UNC5A: variants seen among roughly 807,000 people sequenced by gnomAD.
UNC5A encodes unc-5 netrin receptor A, also known as netrin receptor UNC5A.
UNC5A carries 20 observed loss-of-function variants against 87.4 expected under a neutral mutation model. The observed-to-expected ratio is 0.23, with a 90% CI of 0.16 to 0.33. The LOEUF is 0.33. UNC5A is among the 10% of genes least tolerant of loss of function. The pLI is 1.00. For synonymous variants in UNC5A, 438 were observed against 482.3 expected (o/e 0.91, Z 1.20); for missense variants, 844 against 1,133.4 (o/e 0.74, Z 3.67).
chr5:176,843,094 G>A (rs1757316310), intron 1 of UNC5A, among the ~76,000 whole-genome samples: 1 of 151,746 alleles, frequency 6.6e-6, no homozygotes, highest in South Asian at 2.1e-4. Flanking sequence ...CCAGGAGGCA[G>A]TGGTTGCAGT....
At chr5:176,855,487 G>A (rs910565288) in intron 1 of UNC5A, among the ~76,000 whole-genome samples, 1 of 152,250 alleles carries the variant, frequency 6.6e-6, no homozygotes, top group Non-Finnish European at 1.5e-5. Flanking sequence ...CCTGCATGGT[G>A]GGAGGAGTTG....
intron 1 of UNC5A, among the ~76,000 whole-genome samples, chr5:176,811,546 C>G (rs1392105381): frequency 6.6e-6 from 1 of 152,200 alleles, no homozygotes; most frequent in East Asian, 1.9e-4. Flanking sequence ...CCCCTGCATG[C>G]CCCATTGGTC....
rs1224637960 is a variant in UNC5A at position 176,874,613 on chromosome 5, A to G, written c.1378+47A>G. The stretch of plus-strand genomic sequence containing the variant: ...TCTGAGAGCTCCACTTCCCTCCTGG[A>G]GGAGGACGGGACAGCCGGACGTTCC... On this transcript the variant is annotated intron_variant, in intron 8 of 14. Coordinates refer to ENST00000329542, the MANE Select transcript of UNC5A (RefSeq NM_133369.3). The surrounding 1 kb of genome is among the most constrained non-coding windows in gnomAD (Gnocchi z 7.6). 2 of 1,491,664 alleles carry G rather than the reference A, an allele frequency of 1.3e-6. 1 individual carries two copies. The highest frequency in any genetic ancestry group is 1.8e-6 in the Non-Finnish European group (2 of 1,118,424). 92.4% of individuals were successfully genotyped at this position (1,491,664 alleles called of 1,614,324 possible).
At chr5:176,862,973 C>A (rs974101916) in intron 2 of UNC5A, 128 bp downstream of exon 2, 4 of 1,059,444 alleles carry the variant, frequency 3.8e-6, no homozygotes, top group Non-Finnish European at 4.2e-6. Context: ...GAGGCCACAA[C>A]CCTCAGCAGT....
chr5:176,877,070 T>G (rs1758278980), intron 8 of UNC5A, 122 bp from the exon 9 acceptor site: 1 of 773,852 alleles, frequency 1.3e-6, no homozygotes, highest in Admixed American at 2.6e-5. Context: ...TTGAGGCCCC[T>G]CTGTCCCCAG....
rs1758292520 is a variant in UNC5A at position 176,877,515 on chromosome 5, C to T, written c.1467-20C>T. The stretch of plus-strand genomic sequence containing the variant: ...GGCCACTGACACCTTTCCCTCCCCA[C>T]CCATATTTCCCCACTTGAGGTTGCC... On this transcript the variant is annotated intron_variant, in intron 9 of 14. Transcript: ENST00000329542. 2 of 1,568,998 alleles carry T rather than the reference C, an allele frequency of 1.3e-6. No homozygotes were observed. Among genetic ancestry groups the T allele is most frequent in the Middle Eastern group, 1.7e-4 (1 of 5,858 alleles).
intron 1 of UNC5A, among the ~76,000 whole-genome samples, chr5:176,857,142 C>G (rs370226606): frequency 6.6e-6 from 1 of 152,346 alleles, no homozygotes; most frequent in East Asian, 1.9e-4. Context: ...CCCCTTCTAC[C>G]TTCTCTGCTG....
chr5:176,835,202 C>A (rs1475087335), intron 1 of UNC5A, among the ~76,000 whole-genome samples: 1 of 152,254 alleles, frequency 6.6e-6, no homozygotes, highest in African/African-American at 2.4e-5. Flanking sequence ...GGCTTGTACA[C>A]CTGGAGGTGA....
At chr5:176,811,108 G>A (rs992746841) in intron 1 of UNC5A, among the ~76,000 whole-genome samples, 1 of 152,222 alleles carries the variant, frequency 6.6e-6, no homozygotes, top group South Asian at 2.1e-4. Flanking sequence ...GGTTGCCTGG[G>A]CCCGGAGCAG....
At chr5:176,812,944 A>C (rs1756501251) in intron 1 of UNC5A, among the ~76,000 whole-genome samples, 1 of 152,186 alleles carries the variant, frequency 6.6e-6, no homozygotes, top group African/African-American at 2.4e-5. Flanking sequence ...CCGTTGCAAC[A>C]GCCTCCGGTG....
Position 176,844,607 on chromosome 5 carries a change from C to A in UNC5A, c.71-18017C>A, listed in dbSNP as rs1173020536. ...TCGGAGGAGCATGGGCTGGTGTGACCCTGGCTTCCAATTCTTCAACAGGAG... is the reference window on the plus strand; with the variant it reads ...TCGGAGGAGCATGGGCTGGTGTGACACTGGCTTCCAATTCTTCAACAGGAG... On this transcript the variant is annotated intron_variant, in intron 1 of 14. Transcript: ENST00000329542. This position sits in a 1 kb window ranked among gnomAD's most constrained non-coding sequence, Gnocchi z 4.2. 1.3e-5 allele frequency among the ~76,000 whole-genome samples: 2 copies of A among 152,170 alleles called. No individual in the cohort carries two copies.
intron 1 of UNC5A, among the ~76,000 whole-genome samples, chr5:176,854,168 C>G (rs4976655): frequency 0.1 from 15,442 of 152,122 alleles, 1,104 homozygotes; most frequent in African/African-American, 0.2. Context: ...CACCTGGACT[C>G]TCATGGCTCT....
chr5:176,849,909 G>A (rs1464520459), intron 1 of UNC5A, among the ~76,000 whole-genome samples: 1 of 152,204 alleles, frequency 6.6e-6, no homozygotes, highest in Non-Finnish European at 1.5e-5. Context: ...AAGTTGAGGA[G>A]ACATTTCAAC....
chr5:176,879,143 G>A (rs1048645292), intron 13 of UNC5A, among the ~76,000 whole-genome samples, 167 bp from the exon 14 acceptor site: 8 of 152,094 alleles, frequency 5.3e-5, no homozygotes, highest in Non-Finnish European at 8.8e-5. Flanking sequence ...CTGCACCTCC[G>A]AGCCCCAGTA....
Position 176,879,614 on chromosome 5 carries a change from C to T in UNC5A, c.2364-107C>T, listed in dbSNP as rs1367401095. 4 of 1,550,220 alleles carry T rather than the reference C, an allele frequency of 2.6e-6. No homozygotes were observed. The Admixed American group carries it at 7.4e-5, about 29-fold the overall frequency. Reference sequence around the variant, plus strand: ...CGCATCTACTAGTGGCCGGGGCAGTCATTGTGTTTGGCTTCGGGGAGGCCC... The same window carrying T: ...CGCATCTACTAGTGGCCGGGGCAGTTATTGTGTTTGGCTTCGGGGAGGCCC... On this transcript the variant is annotated intron_variant, in intron 14 of 14. Coordinates refer to ENST00000329542, the MANE Select transcript of UNC5A (RefSeq NM_133369.3).
rs965580312 is a variant in UNC5A at position 176,848,470 on chromosome 5, C to T, written c.71-14154C>T. The stretch of plus-strand genomic sequence containing the variant: ...AAATGAGGAAAACATGAAATCAATA[C>T]CAGGAGAAAAAAGTATGGCTGTCAT... On this transcript the variant is annotated intron_variant, in intron 1 of 14. Transcript: ENST00000329542. This position sits in a 1 kb window ranked among gnomAD's most constrained non-coding sequence, Gnocchi z 5.8. Among the ~76,000 whole-genome samples, 7 of 152,142 alleles carry T rather than the reference C, an allele frequency of 4.6e-5. No individual in the cohort carries two copies. The highest frequency in any genetic ancestry group is 1.0e-4 in the Non-Finnish European group (7 of 68,036).
Position 176,823,893 on chromosome 5 carries a change from G to A in UNC5A, c.70+13073G>A, listed in dbSNP as rs144456819. Among the ~76,000 whole-genome samples the A allele has an allele frequency of 7.5e-4, 114 of 152,330 alleles. No individual in the cohort carries two copies. In the East Asian group the frequency reaches 0.012, roughly 15 times the overall value. On this transcript the variant is annotated intron_variant, in intron 1 of 14. Coordinates refer to ENST00000329542, the MANE Select transcript of UNC5A (RefSeq NM_133369.3). Reference sequence around the variant, plus strand: ...GTTGGTAGTTTCTCTGCCGCCCATTGTTTTAACTGCTGAAATACTTTCTCA... The same window carrying A: ...GTTGGTAGTTTCTCTGCCGCCCATTATTTTAACTGCTGAAATACTTTCTCA...
intron 1 of UNC5A, among the ~76,000 whole-genome samples, chr5:176,843,350 A>G (rs952803755): frequency 6.6e-6 from 1 of 152,160 alleles, no homozygotes; most frequent in African/African-American, 2.4e-5. Flanking sequence ...GTACCGCTAA[A>G]GAAGCCAGAC....
intron 2 of UNC5A, among the ~76,000 whole-genome samples, chr5:176,867,413 C>T (rs150362003): frequency 6.6e-6 from 1 of 152,110 alleles, no homozygotes; most frequent in Non-Finnish European, 1.5e-5. Context: ...CCAGCTCCCC[C>T]TCTGCTGGCT....
Sources: allele counts gnomAD v4.1 joint callset (sites outside exome capture counted in the v4.1 genomes callset), GRCh38; gene constraint gnomAD v4.1.1; non-coding constraint Gnocchi (gnomAD v3.1); transcripts MANE v1.5; gene names NCBI Gene and HGNC (gene_info 2026-07-23, HGNC 2026-07-21).